Variants in RPAP3 observed in about 807,000 individuals in gnomAD.
The protein encoded by RPAP3 is RNA polymerase II associated protein 3, also known as RNA polymerase II-associated protein 3.
In RPAP3, 58 loss-of-function variants were observed where a neutral mutation model predicts 88.8. That is an observed-to-expected ratio of 0.65 (90% CI 0.53 to 0.81). RPAP3 has a LOEUF of 0.81. RPAP3 is among the 40% of genes least tolerant of loss of function. The probability of loss-of-function intolerance (pLI) is 0.00; values close to 1 mark genes in which losing one functional copy is unlikely to be tolerated. For missense variants in RPAP3, 751 were observed against 764.3 expected (o/e 0.98, Z 0.20); for synonymous variants, 255 against 259.9 (o/e 0.98, Z 0.18).
At position 47,696,140 on chromosome 12, in the gene RPAP3, A is replaced by G. The variant is rs544151259; in HGVS notation, c.545+136T>C. ...ATAATTCAATAAAAAGGAGTGAGCT[A>G]TAAGAATTTACAGTTGAAAAGAAAA... is the stretch of plus-strand genomic sequence containing the variant. On this transcript the variant is annotated intron_variant, in intron 5 of 16. Transcript: ENST00000005386. 9.1e-5 allele frequency: 63 copies of G among 694,664 alleles called. No homozygotes were observed. The African/African-American group carries it at 9.8e-4, about 11-fold the overall frequency. The allele number at this position is 694,664 out of a possible 1,614,324, so 43.0% of individuals were successfully genotyped here. A position where few individuals can be genotyped will look rare whatever the true frequency, so the allele number is the denominator to read the frequency against.
chr12:47,667,641 A>G (rs1938907755), intron 15 of RPAP3, 113 bp downstream of exon 15: 1 of 600,378 alleles, frequency 1.7e-6, no homozygotes, highest in African/African-American at 1.9e-5. Flanking sequence ...ATTGACATAA[A>G]CAAGACTTAT....
Position 47,681,820 on chromosome 12 carries a change from A to G in RPAP3, c.993-3T>C. On this transcript the variant is annotated splice_region_variant and splice_polypyrimidine_tract_variant and intron_variant, in intron 9 of 16. Transcript: ENST00000005386. Reference sequence around the variant, plus strand: ...AGTCTTTTTCAGCTTCTTCATATCTATTGAACATGATAAAATTACTGACTG... The same window carrying G: ...AGTCTTTTTCAGCTTCTTCATATCTGTTGAACATGATAAAATTACTGACTG... 6.4e-7 allele frequency: 1 copy of G among 1,571,154 alleles called. No individual in the cohort carries two copies. The highest frequency in any genetic ancestry group is 1.2e-5 in the South Asian group (1 of 80,140).
At position 47,690,632 on chromosome 12, in the gene RPAP3, C is replaced by T; in HGVS notation, c.553G>A (p.Val185Ile). Reference sequence around the variant, plus strand: ...GCTAAATTACAATCAGACTCAGCAACAGCAAATCTGCAATTTAAAAACATT... The same window carrying T: ...GCTAAATTACAATCAGACTCAGCAATAGCAAATCTGCAATTTAAAAACATT... ...SAYFRLKKFAVAESDCNLAVA... is the reference protein window; with the variant it reads ...SAYFRLKKFAIAESDCNLAVA... The change falls in exon 6 of 17, where the codon GTT becomes ATT. Residue 185 changes from valine (V) to isoleucine (I), a missense_variant. Val to Ile is a conservative substitution (Grantham distance 29). Transcript: ENST00000005386. The T allele has an allele frequency of 6.7e-7, 1 of 1,483,858 alleles. No individual in the cohort carries two copies. Among genetic ancestry groups the T allele is most frequent in the Non-Finnish European group, 9.0e-7 (1 of 1,106,040 alleles). 91.9% of individuals were successfully genotyped at this position (1,483,858 alleles called of 1,614,324 possible). A position where few individuals can be genotyped will look rare whatever the true frequency, so the allele number is the denominator to read the frequency against.
chr12:47,671,626 A>G (rs1311380674), intron 12 of RPAP3, among the ~76,000 whole-genome samples: 1 of 152,234 alleles, frequency 6.6e-6, no homozygotes, highest in Non-Finnish European at 1.5e-5. Flanking sequence ...AATCATATTA[A>G]GTTAAGGCCT....
intron 12 of RPAP3, among the ~76,000 whole-genome samples, chr12:47,677,657 A>G (rs1939143947): frequency 1.3e-5 from 2 of 151,936 alleles, no homozygotes. Context: ...TACAAAGAGA[A>G]TAATACAATT....
chr12:47,666,682 CTATGTGA>C (rs1220568728), intron 16 of RPAP3, among the ~76,000 whole-genome samples: 1 of 152,156 alleles, frequency 6.6e-6, no homozygotes, highest in Non-Finnish European at 1.5e-5. Flanking sequence ...GGCTTCCTAG[CTATGTGA>C]CCTTAGCAAG....
chr12:47,678,645 A>G (rs1939163151), intron 12 of RPAP3, among the ~76,000 whole-genome samples: 1 of 152,252 alleles, frequency 6.6e-6, no homozygotes, highest in Non-Finnish European at 1.5e-5. Flanking sequence ...GACACATGAA[A>G]AAATGCTCAT....
intron 9 of RPAP3, among the ~76,000 whole-genome samples, chr12:47,686,095 C>T (rs139493051): frequency 7.1e-4 from 108 of 152,230 alleles, no homozygotes; most frequent in African/African-American, 2.5e-3. Flanking sequence ...TTTCGAATTC[C>T]TATTTATACT....
chr12:47,666,669 T>C (rs1938880253), intron 16 of RPAP3, among the ~76,000 whole-genome samples: 1 of 152,186 alleles, frequency 6.6e-6, no homozygotes, highest in Non-Finnish European at 1.5e-5. Context: ...GAATCCTAGG[T>C]CTGGCTTCCT....
intron 12 of RPAP3, among the ~76,000 whole-genome samples, chr12:47,671,660 G>C (rs1229496454): frequency 6.6e-6 from 1 of 152,148 alleles, no homozygotes; most frequent in Non-Finnish European, 1.5e-5. Flanking sequence ...AACTGTATCA[G>C]CAAAAGTTTT....
At chr12:47,701,361 C>G (rs554242709) in intron 3 of RPAP3, 103 bp downstream of exon 3, 74 of 694,780 alleles carry the variant, frequency 1.1e-4, no homozygotes, top group Admixed American at 2.5e-4. Context: ...GAGAAAAACA[C>G]AGGCCATAAC....
chr12:47,689,221 A>T (rs1473980814), intron 6 of RPAP3, 26 bp from the exon 7 acceptor site: 11 of 965,584 alleles, frequency 1.1e-5, no homozygotes, highest in South Asian at 3.0e-5. Context: ...GATAAAAAAA[A>T]TTTTTAAAGA....
At chr12:47,704,315 T>C (rs1408538767) in intron 1 of RPAP3, among the ~76,000 whole-genome samples, 2 of 152,144 alleles carry the variant, frequency 1.3e-5, no homozygotes, top group African/African-American at 4.8e-5. Context: ...CAGTGCCAAA[T>C]GCCACAGAGG....
In RPAP3 at chr12:47,689,154, C is replaced by A; in HGVS notation, c.709G>T (p.Ala237Ser). Residue 237 changes from alanine to serine, a missense_variant, in exon 7 of 17, where the codon GCA becomes TCA. Coordinates refer to ENST00000005386, the MANE Select transcript of RPAP3 (RefSeq NM_024604.3). ...VLELEPNNFE[A>S]TNELRKISQA... ...CTGATTTTCCTGAGTTCATTTGTTG[C>A]TTCAAAGTTATTTGGTTCTAGTTCT... 1 of 1,472,352 alleles carries A rather than the reference C, an allele frequency of 6.8e-7. No individual in the cohort carries two copies. Among genetic ancestry groups the A allele is most frequent in the Non-Finnish European group, 9.4e-7 (1 of 1,061,312 alleles). 91.2% of individuals were successfully genotyped at this position (1,472,352 alleles called of 1,614,324 possible).
chr12:47,662,745 G>A lies in RPAP3; in HGVS notation c.*760C>T, dbSNP rs1938786108. On this transcript the variant is annotated 3_prime_UTR_variant, in exon 17 of 17. Transcript: ENST00000005386. ...TAGGTACTATGCAGAGTACAGGGAT[G>A]AGCAGAGTTCTAGCCCTACTTTCAA... 6.6e-6 allele frequency: 1 copy of A among 152,248 alleles called. No individual in the cohort carries two copies. Among genetic ancestry groups the A allele is most frequent in the Non-Finnish European group, 1.5e-5 (1 of 68,066 alleles). The allele number at this position is 152,248 out of a possible 1,614,324, so 9.4% of individuals were successfully genotyped here. A position where few individuals can be genotyped will look rare whatever the true frequency, so the allele number is the denominator to read the frequency against.
At chr12:47,675,207 T>C (rs1054679463) in intron 12 of RPAP3, among the ~76,000 whole-genome samples, 15 of 152,210 alleles carry the variant, frequency 9.9e-5, no homozygotes, top group Admixed American at 5.2e-4. Context: ...TGACAGATTG[T>C]GTCACCACCC....
chr12:47,675,934 G>C (rs1410340969), intron 12 of RPAP3, among the ~76,000 whole-genome samples: 1 of 152,158 alleles, frequency 6.6e-6, no homozygotes, highest in East Asian at 1.9e-4. Context: ...TAAATCAACA[G>C]AATATACATT....
rs145789473 is a variant in RPAP3 at position 47,690,527 on chromosome 12, C to T, written c.658G>A (p.Ala220Thr). 2 of 1,594,414 alleles carry T rather than the reference C, an allele frequency of 1.3e-6. No homozygotes were observed. Among genetic ancestry groups the T allele is most frequent in the South Asian group, 2.3e-5 (2 of 86,424 alleles). The change falls in exon 6 of 17, where the codon GCC becomes ACC. Residue 220 changes from alanine (A) to threonine (T), a missense_variant. Coordinates refer to ENST00000005386, the MANE Select transcript of RPAP3 (RefSeq NM_024604.3). ...AGTGACTAGAAAATACCTTTTTTGG[C>T]CTCTTCTAATTTTTGCAAAGCAAAT... ...ARFALQKLEE[A>T]KKDYERVLEL...
chr12:47,701,012 T>C (rs1939644149), intron 3 of RPAP3, among the ~76,000 whole-genome samples: 1 of 152,102 alleles, frequency 6.6e-6, no homozygotes, highest in Non-Finnish European at 1.5e-5. Context: ...GGTGGTGCCA[T>C]ATATCTGTAT....
Sources: gnomAD v4.1 joint callset for allele counts (sites outside exome capture counted in the v4.1 genomes callset) on GRCh38, gnomAD v4.1.1 for gene constraint, MANE v1.5 for transcripts, NCBI Gene and HGNC (gene_info 2026-07-23, HGNC 2026-07-21) for gene names.